The following TYRO3 variants were observed in gnomAD, a reference collection of about 807,000 sequenced individuals.
TYRO3 encodes the protein tyrosine-protein kinase receptor TYRO3.
TYRO3 carries 38 observed loss-of-function variants against 95.2 expected under a neutral mutation model. That is an observed-to-expected ratio of 0.40 (90% confidence interval 0.31 to 0.52). The LOEUF (loss-of-function observed/expected upper bound fraction) is 0.52, where lower values mean the gene tolerates loss of function less well. Among genes scored for constraint, TYRO3 ranks in the 20% least tolerant of loss-of-function variants. TYRO3 has a pLI of 0.56. For missense variants in TYRO3, 812 were observed against 1,116.4 expected, an observed-to-expected ratio of 0.73 and a Z score of 3.89; for synonymous variants, 367 against 432.9, an observed-to-expected ratio of 0.85 and a Z score of 1.89.
chr15:41,572,673 C>A, intron 15 of TYRO3, 109 bp downstream of exon 15: 1 of 1,346,518 alleles, frequency 7.4e-7, no homozygotes, highest in Admixed American at 2.2e-5. Flanking sequence ...GCTGATGGAG[C>A]TGGGTGGGAG....
At chr15:41,575,384 C>G (rs192496264) in intron 18 of TYRO3, among the ~76,000 whole-genome samples, 54 of 152,356 alleles carry the variant, frequency 3.5e-4, no homozygotes, top group African/African-American at 1.3e-3. Flanking sequence ...GCAGTGGGGA[C>G]CAGACCCCAG....
intron 15 of TYRO3, 149 bp downstream of exon 15, chr15:41,572,713 A>C: frequency 9.3e-7 from 1 of 1,078,082 alleles, no homozygotes; most frequent in East Asian, 2.6e-5. Flanking sequence ...AATCCTTTTA[A>C]TCTAGCAGGC....
rs1359269074 is a variant in TYRO3, at chr15:41,561,327, G to T, written c.308+17G>T. 7.8e-7 allele frequency: 1 copy of T among 1,285,228 alleles called. No individual in the cohort carries two copies. Among genetic ancestry groups the T allele is most frequent in the African/African-American group, 1.6e-5 (1 of 64,488 alleles). The allele number at this position is 1,285,228 out of a possible 1,614,324, so 79.6% of individuals were successfully genotyped here. A position where few individuals can be genotyped will look rare whatever the true frequency, so the allele number is the denominator to read the frequency against. On this transcript the variant is annotated intron_variant, in intron 2 of 18. Coordinates refer to ENST00000263798, the MANE Select transcript of TYRO3 (RefSeq NM_006293.4). ...CTTCCTCAGGTGCAGGCCTGTGGGG[G>T]AAGGTGTGGGCTGCCAGCCAGGGGG...
chr15:41,561,709 C>T, intron 3 of TYRO3, 70 bp downstream of exon 3: 1 of 1,193,080 alleles, frequency 8.4e-7, no homozygotes, highest in South Asian at 1.4e-5. Flanking sequence ...TATACCTCTG[C>T]AGCGGAGAAC....
rs369495054 is a variant in TYRO3 at position 41,560,393 on chromosome 15, A to ATGTGTGTGTGTGTGTGTGTG, written c.125-717_125-698dup. Among the ~76,000 whole-genome samples, 507 of 120,360 alleles carry ATGTGTGTGTGTGTGTGTGTG rather than the reference A, an allele frequency of 4.2e-3. 2 individuals carry two copies. The highest frequency in any genetic ancestry group is 7.2e-3 in the African/African-American group (226 of 31,390). 79.0% of individuals were successfully genotyped at this position (120,360 alleles called of 152,430 possible). A position where few individuals can be genotyped will look rare whatever the true frequency, so the allele number is the denominator to read the frequency against. ...CCAGGAGGCCAGGAGAGGTGCGTGTATGTGTGTGTGTGTGTGTGTGTGTGT... is the reference window on the plus strand; with the variant it reads ...CCAGGAGGCCAGGAGAGGTGCGTGTATGTGTGTGTGTGTGTGTGTGTGTGTGTGTGTGTGTGTGTGTGTGT... On this transcript the variant is annotated intron_variant, in intron 1 of 18. Transcript: ENST00000263798.
rs575967641 is a variant in TYRO3, at chr15:41,577,737, C to T, written c.2283-149C>T. On this transcript the variant is annotated intron_variant, in intron 18 of 18. Coordinates refer to ENST00000263798, the MANE Select transcript of TYRO3 (RefSeq NM_006293.4). ...CCTGGGCTCAAATAATACCCCCCTTCGGCCTCCCAAAGTGTTGAGATTACA... is the reference window on the plus strand; with the variant it reads ...CCTGGGCTCAAATAATACCCCCCTTTGGCCTCCCAAAGTGTTGAGATTACA... 757 of 753,212 alleles carry T rather than the reference C, an allele frequency of 1.0e-3. 3 individuals are homozygous for T. The highest frequency in any genetic ancestry group is 2.0e-3 in the South Asian group (105 of 52,166). 46.7% of individuals were successfully genotyped at this position (753,212 alleles called of 1,614,324 possible). A position where few individuals can be genotyped will look rare whatever the true frequency, so the allele number is the denominator to read the frequency against.
intron 18 of TYRO3, among the ~76,000 whole-genome samples, chr15:41,574,956 G>T (rs2055842946): frequency 6.6e-6 from 1 of 152,180 alleles, no homozygotes; most frequent in Admixed American, 6.5e-5. Flanking sequence ...TGGGCTCAAG[G>T]GATCCATCTG....
chr15:41,562,429 C>T, intron 3 of TYRO3, 119 bp from the exon 4 acceptor site: 1 of 1,039,776 alleles, frequency 9.6e-7, no homozygotes, highest in Non-Finnish European at 1.4e-6. Context: ...TTGACCTAAT[C>T]ATAAGGGGCC....
chr15:41,560,498 G>A (rs2074592467), intron 1 of TYRO3, among the ~76,000 whole-genome samples: 1 of 151,726 alleles, frequency 6.6e-6, no homozygotes, highest in Admixed American at 6.6e-5. Context: ...GTGGCTCAGG[G>A]GTCTTAGGCT....
At position 41,562,586 on chromosome 15, in the gene TYRO3, G is replaced by A; in HGVS notation, c.448G>A (p.Val150Met). 6.2e-7 allele frequency: 1 copy of A among 1,613,364 alleles called. No individual in the cohort carries two copies. Among genetic ancestry groups the A allele is most frequent in the Non-Finnish European group, 8.5e-7 (1 of 1,180,046 alleles). The change falls in exon 4 of 19, where the codon GTG (valine) becomes ATG (methionine). Residue 150 changes from valine to methionine, a missense_variant. Val to Met is a conservative substitution (Grantham distance 21). Transcript: ENST00000263798. Reference sequence around the variant, plus strand: ...CACAGTGGAGCCAAAAGATCTGGCAGTGCCACCCAATGCCCCTTTCCAACT... The same window carrying A: ...CACAGTGGAGCCAAAAGATCTGGCAATGCCACCCAATGCCCCTTTCCAACT... ...FFTVEPKDLA[V>M]PPNAPFQLSC...
In TYRO3 at chr15:41,571,696, A is replaced by AT; in HGVS notation, c.1753+14dup. 8.9e-7 allele frequency: 1 copy of AT among 1,126,584 alleles called. No homozygotes were observed. Among genetic ancestry groups the AT allele is most frequent in the Non-Finnish European group, 1.3e-6 (1 of 766,872 alleles). The allele number at this position is 1,126,584 out of a possible 1,614,324, so 69.8% of individuals were successfully genotyped here. On this transcript the variant is annotated intron_variant, in intron 14 of 18. Transcript: ENST00000263798. ...CGTGGCCAAACTTGTTGGTGAGCCC[A>AT]TTTTTGGGGGAGGCAGATAGAGAAT...
chr15:41,574,193 C>T (rs568848326), intron 18 of TYRO3, among the ~76,000 whole-genome samples: 9 of 151,744 alleles, frequency 5.9e-5, no homozygotes, highest in Admixed American at 5.9e-4. Flanking sequence ...TTTGTTCTAC[C>T]CTAGTGAATA....
Position 41,574,141 on chromosome 15 carries a change from G to A in TYRO3, c.2282+326G>A, listed in dbSNP as rs560049558. Among the ~76,000 whole-genome samples the A allele has an allele frequency of 3.9e-5, 6 of 152,200 alleles. No individual in the cohort carries two copies. The South Asian group carries it at 6.2e-4, about 16-fold the overall frequency. On this transcript the variant is annotated intron_variant, in intron 18 of 18. Transcript: ENST00000263798. ...AGGTTTCCCTGCCATCTTCCCACCC[G>A]TCATTCCTTTTCTTTTTTTAATTTG...
chr15:41,568,287 A>G lies in TYRO3; in HGVS notation c.1032A>G (p.Glu344=). ...TDSGLILEWE[E]VIPEAPLEGP... Reference sequence around the variant, plus strand: ...CAGGCCTCATCTTGGAGTGGGAAGAAGTGATCCCCGAGGCCCCTTTGGAAG... The same window carrying G: ...CAGGCCTCATCTTGGAGTGGGAAGAGGTGATCCCCGAGGCCCCTTTGGAAG... Residue 344 remains glutamate, a synonymous_variant, in exon 8 of 19, where the codon GAA becomes GAG. Transcript: ENST00000263798. 1.9e-6 allele frequency: 3 copies of G among 1,613,902 alleles called. No individual in the cohort carries two copies. In the African/African-American group the frequency reaches 4.0e-5, roughly 22 times the overall value.
intron 1 of TYRO3, among the ~76,000 whole-genome samples, chr15:41,560,393 A>ATGTGTGTGTG (rs369495054): frequency 0.047 from 5,607 of 120,116 alleles, 148 homozygotes; most frequent in Middle Eastern, 0.14. Flanking sequence ...AGGTGCGTGT[A>ATGTGTGTGTG]TGTGTGTGTG....
chr15:41,582,609 G>C lies in TYRO3; in HGVS notation c.*4333G>C, dbSNP rs1296921363. On this transcript the variant is annotated 3_prime_UTR_variant, in exon 19 of 19. Transcript: ENST00000263798. ...AGGTAGGAGAATTGCTTGAACCTGG[G>C]AGGTGGAAGTTGCTGTGAGACGAGA... The C allele has an allele frequency of 6.6e-6, 1 of 152,128 alleles. No homozygotes were observed. The highest frequency in any genetic ancestry group is 1.5e-5 in the Non-Finnish European group (1 of 68,044). The allele number at this position is 152,128 out of a possible 1,614,324, so 9.4% of individuals were successfully genotyped here.
intron 6 of TYRO3, among the ~76,000 whole-genome samples, chr15:41,566,553 G>A (rs2055727520): frequency 6.6e-6 from 1 of 152,148 alleles, no homozygotes; most frequent in African/African-American, 2.4e-5. Context: ...ATCTTCCCAA[G>A]GATGGACCGC....
rs902387077 is a variant in TYRO3 at position 41,573,293 on chromosome 15, C to T, written c.1986-15C>T. The T allele has an allele frequency of 2.9e-6, 4 of 1,394,014 alleles. No individual in the cohort carries two copies. The highest frequency in any genetic ancestry group is 2.1e-4 in the Middle Eastern group (1 of 4,842). 86.4% of individuals were successfully genotyped at this position (1,394,014 alleles called of 1,614,324 possible). ...ATGGCAGAAGGCTGACTCTCTCCCT[C>T]AATGCCCCTTGTAGGCTGGCAGAGG... On this transcript the variant is annotated splice_polypyrimidine_tract_variant and intron_variant, in intron 16 of 18. Coordinates refer to ENST00000263798, the MANE Select transcript of TYRO3 (RefSeq NM_006293.4).
Position 41,579,265 on chromosome 15 carries a change from C to T in TYRO3, c.*989C>T, listed in dbSNP as rs1000074476. The T allele has an allele frequency of 1.3e-5, 2 of 152,194 alleles. No homozygotes were observed. Among genetic ancestry groups the T allele is most frequent in the African/African-American group, 2.4e-5 (1 of 41,412 alleles). 9.4% of individuals were successfully genotyped at this position (152,194 alleles called of 1,614,324 possible). A position where few individuals can be genotyped will look rare whatever the true frequency, so the allele number is the denominator to read the frequency against. Reference sequence around the variant, plus strand: ...GCCTCTGGAATGCATGGGGCGGGTCCTAGCTGTTAGGGACATTTCCAAGCT... The same window carrying T: ...GCCTCTGGAATGCATGGGGCGGGTCTTAGCTGTTAGGGACATTTCCAAGCT... On this transcript the variant is annotated 3_prime_UTR_variant, in exon 19 of 19. Transcript: ENST00000263798.
Sources: gnomAD v4.1 joint callset for allele counts (sites outside exome capture counted in the v4.1 genomes callset) on GRCh38, gnomAD v4.1.1 for gene constraint, MANE v1.5 for transcripts, NCBI Gene and HGNC (gene_info 2026-07-23, HGNC 2026-07-21) for gene names.